The following SPPL3 variants were observed in gnomAD, a reference collection of about 807,000 sequenced individuals.
SPPL3 encodes signal peptide peptidase like 3, also known as signal peptide peptidase-like 3.
Under a neutral mutation model 42.4 loss-of-function variants are expected in SPPL3, and 5 were observed. The ratio of observed to expected loss-of-function variants is 0.12; its 90% CI spans 0.06 to 0.25. The LOEUF (loss-of-function observed/expected upper bound fraction) is 0.25, where lower values mean the gene tolerates loss of function less well. Among genes scored for constraint, SPPL3 ranks in the 10% least tolerant of loss-of-function variants. The probability of loss-of-function intolerance (pLI) is 1.00; values close to 1 mark genes in which losing one functional copy is unlikely to be tolerated. For synonymous variants in SPPL3, 195 were observed against 181.8 expected (o/e 1.07, Z -0.58); for missense variants, 235 against 489.0 (o/e 0.48, Z 4.90).
At chr12:120,824,006 G>A (rs1003103946) in intron 1 of SPPL3, among the ~76,000 whole-genome samples, 3 of 151,932 alleles carry the variant, frequency 2.0e-5, no homozygotes, top group African/African-American at 7.3e-5. Flanking sequence ...AAGTAGCTGG[G>A]ACTACAGGCG....
At position 120,783,758 on chromosome 12, in the gene SPPL3, G is replaced by C; in HGVS notation, c.311-6C>G. 6.2e-7 allele frequency: 1 copy of C among 1,612,332 alleles called. No individual in the cohort carries two copies. Among genetic ancestry groups the C allele is most frequent in the Non-Finnish European group, 8.5e-7 (1 of 1,179,060 alleles). ...AAAAGCTATCGTTGCAAGAACTAGA[G>C]AAAGAAAAGGTATAATTTTTTAAAA... On this transcript the variant is annotated splice_region_variant and splice_polypyrimidine_tract_variant and intron_variant, in intron 4 of 10. Coordinates refer to ENST00000353487, the MANE Select transcript of SPPL3 (RefSeq NM_139015.5).
chr12:120,790,897 A>G (rs568414738), intron 3 of SPPL3, among the ~76,000 whole-genome samples: 171 of 150,596 alleles, frequency 1.1e-3, no homozygotes, highest in Non-Finnish European at 2.0e-3. Context: ...ATCTCGGCTC[A>G]CTGCAGCCTC....
chr12:120,846,129 T>C (rs1428852065), intron 1 of SPPL3, among the ~76,000 whole-genome samples: 6 of 152,178 alleles, frequency 3.9e-5, no homozygotes, highest in Non-Finnish European at 7.4e-5. Context: ...AGTCCTGTCA[T>C]TACTGATATT....
At chr12:120,888,054 C>T (rs1255416180) in intron 1 of SPPL3, among the ~76,000 whole-genome samples, 2 of 152,178 alleles carry the variant, frequency 1.3e-5, no homozygotes, top group Admixed American at 1.3e-4. Context: ...AACTTGTATA[C>T]AAATGTTCAT....
At chr12:120,783,779 T>C in intron 4 of SPPL3, 27 bp from the exon 5 acceptor site, 1 of 1,598,244 alleles carries the variant, frequency 6.3e-7, no homozygotes, top group Non-Finnish European at 8.6e-7. Flanking sequence ...TATAATTTTT[T>C]AAAACAATTA....
intron 1 of SPPL3, among the ~76,000 whole-genome samples, chr12:120,849,435 A>C (rs1457086640): frequency 2.0e-5 from 3 of 152,214 alleles, no homozygotes; most frequent in Non-Finnish European, 4.4e-5. Flanking sequence ...GAGCCACCAC[A>C]GAGGCAAGTG....
At chr12:120,883,811 G>A (rs1467098919) in intron 1 of SPPL3, among the ~76,000 whole-genome samples, 2 of 152,086 alleles carry the variant, frequency 1.3e-5, no homozygotes. Flanking sequence ...ACATTAAAAT[G>A]TAGACGTAAG....
chr12:120,847,546 G>A (rs941919533), intron 1 of SPPL3, among the ~76,000 whole-genome samples: 1 of 151,950 alleles, frequency 6.6e-6, no homozygotes, highest in Admixed American at 6.6e-5. Context: ...TGCCTGCCTT[G>A]GCCTCCCGAG....
intron 1 of SPPL3, among the ~76,000 whole-genome samples, chr12:120,824,363 CA>C (rs985037380): frequency 2.6e-5 from 4 of 151,666 alleles, no homozygotes; most frequent in Non-Finnish European, 4.4e-5. Context: ...GCAAAAAAGA[CA>C]AAAAAGTGTT....
intron 1 of SPPL3, among the ~76,000 whole-genome samples, chr12:120,875,749 A>T (rs566986128): frequency 2.6e-5 from 4 of 152,376 alleles, no homozygotes; most frequent in Admixed American, 2.0e-4. Context: ...ATTTTAACAT[A>T]AGCATATCAA....
At chr12:120,903,134 GTACCAACCCT>G (rs1394884083) in intron 1 of SPPL3, among the ~76,000 whole-genome samples, 1 of 152,086 alleles carries the variant, frequency 6.6e-6, no homozygotes, top group East Asian at 1.9e-4. Context: ...GAAAATAATA[GTACCAACCCT>G]TACAAAGACT....
In SPPL3 at chr12:120,802,504, G is replaced by A. The variant is rs565423022; in HGVS notation, c.101+8305C>T. On this transcript the variant is annotated intron_variant, in intron 2 of 10. Coordinates refer to ENST00000353487, the MANE Select transcript of SPPL3 (RefSeq NM_139015.5). ...GGCTGGAGTGCAGTGGCGCAATCTC[G>A]GCTCACTGCAACCTCTGCCTCCCAG... 1.3e-4 allele frequency among the ~76,000 whole-genome samples: 19 copies of A among 147,532 alleles called. No homozygotes were observed. In the Middle Eastern group the frequency reaches 0.011, roughly 82 times the overall value.
intron 7 of SPPL3, chr12:120,768,704 C>T: frequency 4.6e-6 from 3 of 652,310 alleles, no homozygotes; most frequent in Non-Finnish European, 7.8e-6. Context: ...GTGGCCCCCA[C>T]TGCAGCGAAT....
rs576735074 is a variant in SPPL3 at position 120,903,777 on chromosome 12, G to C, written c.23+68C>G. 6.8e-5 allele frequency: 67 copies of C among 988,766 alleles called. No individual in the cohort carries two copies. In the African/African-American group the frequency reaches 8.8e-4, roughly 13 times the overall value. 61.2% of individuals were successfully genotyped at this position (988,766 alleles called of 1,614,324 possible). ...ACCTGTTCTTCCTCCTCTTCCCCTC[G>C]GCGGGCCGCGCCGGCGCCCCGACCC... is the stretch of plus-strand genomic sequence containing the variant. On this transcript the variant is annotated intron_variant, in intron 1 of 10. Coordinates refer to ENST00000353487, the MANE Select transcript of SPPL3 (RefSeq NM_139015.5).
rs183462029 is a variant in SPPL3 at position 120,780,658 on chromosome 12, C to T, written c.502+1997G>A. Among the ~76,000 whole-genome samples, 501 of 148,710 alleles carry T rather than the reference C, an allele frequency of 3.4e-3. 3 individuals are homozygous for T. The highest frequency in any genetic ancestry group is 0.012 in the African/African-American group (480 of 40,260). Reference sequence around the variant, plus strand: ...ATCCCAGAACTTTGGGAGGCTGAGGCGGGTGGATCACCTGAGGTCAGGGGT... The same window carrying T: ...ATCCCAGAACTTTGGGAGGCTGAGGTGGGTGGATCACCTGAGGTCAGGGGT... On this transcript the variant is annotated intron_variant, in intron 6 of 10. Transcript: ENST00000353487.
chr12:120,841,911 C>T (rs1488962271), intron 1 of SPPL3, among the ~76,000 whole-genome samples: 3 of 152,092 alleles, frequency 2.0e-5, no homozygotes, highest in Non-Finnish European at 4.4e-5. Context: ...ATCAATAGCC[C>T]GAGTCACAGG....
intron 1 of SPPL3, among the ~76,000 whole-genome samples, chr12:120,836,866 C>A (rs1400430274): frequency 1.3e-5 from 2 of 152,100 alleles, no homozygotes; most frequent in African/African-American, 4.8e-5. Context: ...TGCAAGTAAC[C>A]AGGGGTATCT....
chr12:120,775,900 T>C (rs1439141354), intron 6 of SPPL3, among the ~76,000 whole-genome samples: 1 of 151,804 alleles, frequency 6.6e-6, no homozygotes, highest in Non-Finnish European at 1.5e-5. Context: ...GAAACACTAA[T>C]TAAAAAAAAA....
chr12:120,849,377 C>T (rs1421955874), intron 1 of SPPL3, among the ~76,000 whole-genome samples: 1 of 152,098 alleles, frequency 6.6e-6, no homozygotes, highest in Non-Finnish European at 1.5e-5. Context: ...ACTGGCAACA[C>T]AATTTCTGAA....
Sources: allele counts gnomAD v4.1 joint callset (sites outside exome capture counted in the v4.1 genomes callset), GRCh38; gene constraint gnomAD v4.1.1; transcripts MANE v1.5; gene names NCBI Gene and HGNC (gene_info 2026-07-23, HGNC 2026-07-21).